Variants in DNAH14 observed in about 807,000 individuals in gnomAD.
DNAH14 encodes dynein axonemal heavy chain 14.
A neutral mutation model predicts 520.9 loss-of-function variants in DNAH14; 478 were observed. The ratio of observed to expected loss-of-function variants is 0.92; its 90% CI spans 0.85 to 0.99. The LOEUF is 0.99. Among genes scored for constraint, DNAH14 ranks in the 50% least tolerant of loss-of-function variants. DNAH14 has a pLI of 0.00. For missense variants in DNAH14, 4,831 were observed against 5,234.5 expected, an observed-to-expected ratio of 0.92 and a Z score of 2.38; for synonymous variants, 1,581 against 1,757.2, an observed-to-expected ratio of 0.90 and a Z score of 2.51.
At chr1:225,130,815 TATA>T (rs202010965) in intron 27 of DNAH14, among the ~76,000 whole-genome samples, 13 of 150,260 alleles carry the variant, frequency 8.7e-5, no homozygotes, top group Admixed American at 2.7e-4. Flanking sequence ...AAACTTAAAG[TATA>T]ATAATAATAA....
At chr1:225,110,137 T>A (rs1241056745) in intron 23 of DNAH14, among the ~76,000 whole-genome samples, 1 of 152,138 alleles carries the variant, frequency 6.6e-6, no homozygotes, top group Non-Finnish European at 1.5e-5. Context: ...TATGGGCCTG[T>A]AGTTTTCTTT....
intron 7 of DNAH14, among the ~76,000 whole-genome samples, chr1:224,971,887 G>A (rs572958691): frequency 4.2e-4 from 64 of 152,296 alleles, no homozygotes; most frequent in African/African-American, 1.5e-3. Context: ...TCAAAGATAG[G>A]TGATAGTTGC....
chr1:225,014,241 G>A (rs1204713562), intron 10 of DNAH14, among the ~76,000 whole-genome samples: 1 of 152,130 alleles, frequency 6.6e-6, no homozygotes, highest in East Asian at 1.9e-4. Flanking sequence ...TCCTGGGTGA[G>A]GCGACGCCCC....
chr1:225,221,169 A>T (rs1558068341), intron 41 of DNAH14, among the ~76,000 whole-genome samples: 1 of 152,070 alleles, frequency 6.6e-6, no homozygotes. Flanking sequence ...ATGGATTAAA[A>T]ACTTAAACGT....
At chr1:225,180,997 G>C (rs974209120) in intron 36 of DNAH14, among the ~76,000 whole-genome samples, 1 of 152,030 alleles carries the variant, frequency 6.6e-6, no homozygotes, top group Non-Finnish European at 1.5e-5. Flanking sequence ...TCCTTCTGGA[G>C]TCCCCAATGT....
chr1:225,386,942 G>A (rs1403729830), intron 81 of DNAH14, among the ~76,000 whole-genome samples: 1 of 152,200 alleles, frequency 6.6e-6, no homozygotes, highest in Non-Finnish European at 1.5e-5. Context: ...GCACACGTAT[G>A]TTTATTGCGG....
Position 225,153,760 on chromosome 1 carries a change from AT to A in DNAH14, c.5211del (p.Phe1737LeufsTer3). On this transcript the variant is annotated frameshift_variant, in exon 34 of 86. Coordinates refer to ENST00000682510, the MANE Select transcript of DNAH14 (RefSeq NM_001367479.1). LOFTEE classifies it high-confidence loss of function. ...RKQLSQQDHY[N>X]FGLRSLKIVL... The stretch of plus-strand genomic sequence containing the variant: ...TTTAATGTTTGATAGGATCATTATA[AT>A]TTTGGCTTGAGATCTCTGAAGATAG... 6.5e-7 allele frequency: 1 copy of A among 1,546,530 alleles called. No homozygotes were observed. The highest frequency in any genetic ancestry group is 8.7e-7 in the Non-Finnish European group (1 of 1,143,630).
At chr1:225,266,797 C>T (rs1341573423) in intron 49 of DNAH14, 28 bp downstream of exon 49, 1 of 1,448,972 alleles carries the variant, frequency 6.9e-7, no homozygotes, top group Non-Finnish European at 9.1e-7. Context: ...ATTTTGTTCA[C>T]ATTAAGTATT....
intron 1 of DNAH14, among the ~76,000 whole-genome samples, chr1:224,933,362 T>TCTA (rs1431182551): frequency 1.3e-5 from 2 of 152,098 alleles, no homozygotes; most frequent in Admixed American, 1.3e-4. Flanking sequence ...TAAAATCATA[T>TCTA]GATCAACAGA....
intron 64 of DNAH14, among the ~76,000 whole-genome samples, chr1:225,327,140 A>G (rs1391559292): frequency 1.3e-5 from 2 of 148,304 alleles, no homozygotes; most frequent in African/African-American, 5.0e-5. Flanking sequence ...CAATAATAAC[A>G]TGAAGGTTGA....
At chr1:225,008,064 T>G (rs2064333515) in intron 10 of DNAH14, among the ~76,000 whole-genome samples, 2 of 151,964 alleles carry the variant, frequency 1.3e-5, no homozygotes, top group African/African-American at 4.8e-5. Flanking sequence ...CCTAATGCTA[T>G]CCCTCCCCTT....
chr1:225,027,326 T>C (rs550164578), intron 11 of DNAH14, among the ~76,000 whole-genome samples: 7 of 152,302 alleles, frequency 4.6e-5, no homozygotes, highest in Non-Finnish European at 5.9e-5. Flanking sequence ...ATCCCTGTCT[T>C]GTTCCAGAGC....
intron 79 of DNAH14, among the ~76,000 whole-genome samples, chr1:225,378,886 A>AG (rs1036651553): frequency 2.3e-4 from 35 of 151,454 alleles, no homozygotes; most frequent in African/African-American, 6.8e-4. Flanking sequence ...TCCCAAAAAA[A>AG]AAAAAAGAAA....
intron 1 of DNAH14, among the ~76,000 whole-genome samples, chr1:224,945,739 G>A (rs71527019): frequency 6.6e-6 from 1 of 152,412 alleles, no homozygotes; most frequent in South Asian, 2.1e-4. Context: ...GTCTGTTGGA[G>A]TTTGCTGGAG....
chr1:225,293,491 TA>T (rs144972752), intron 55 of DNAH14, among the ~76,000 whole-genome samples: 26,520 of 151,996 alleles, frequency 0.17, 2,865 homozygotes, highest in East Asian at 0.33. Flanking sequence ...TATGCAGCCA[TA>T]AAAAAAGACC....
chr1:225,388,387 C>A lies in DNAH14; in HGVS notation c.13086C>A (p.Ala4362=). ...MRVPTLWQKH[A]YRSCKPLSSW... Reference sequence around the variant, plus strand: ...TCTTTAAATCCCAACAGAAACACGCCTACAGATCTTGTAAGCCACTGAGTT... The same window carrying A: ...TCTTTAAATCCCAACAGAAACACGCATACAGATCTTGTAAGCCACTGAGTT... Residue 4362 remains alanine, a synonymous_variant, in exon 82 of 86, where the codon GCC becomes GCA. Transcript: ENST00000682510. 2 of 1,516,712 alleles carry A rather than the reference C, an allele frequency of 1.3e-6. No individual in the cohort carries two copies. The highest frequency in any genetic ancestry group is 2.0e-5 in the Admixed American group (1 of 50,664). The allele number at this position is 1,516,712 out of a possible 1,614,324, so 94.0% of individuals were successfully genotyped here.
intron 54 of DNAH14, among the ~76,000 whole-genome samples, chr1:225,280,634 C>T (rs534768484): frequency 2.6e-5 from 4 of 151,308 alleles, no homozygotes; most frequent in Non-Finnish European, 5.9e-5. Context: ...AGTTCAATCA[C>T]AGCTCAAGAA....
At chr1:225,368,461 G>A (rs2095579642) in intron 77 of DNAH14, among the ~76,000 whole-genome samples, 1 of 152,202 alleles carries the variant, frequency 6.6e-6, no homozygotes. Context: ...TTCATTAAAA[G>A]CAAGAGAGAT....
intron 23 of DNAH14, among the ~76,000 whole-genome samples, chr1:225,116,155 A>T (rs2076856979): frequency 6.6e-6 from 1 of 152,240 alleles, no homozygotes; most frequent in South Asian, 2.1e-4. Flanking sequence ...AAGATGGTAC[A>T]GATAAAACAG....
Sources: gnomAD v4.1 joint callset for allele counts (sites outside exome capture counted in the v4.1 genomes callset) on GRCh38, gnomAD v4.1.1 for gene constraint, MANE v1.5 for transcripts, NCBI Gene and HGNC (gene_info 2026-07-23, HGNC 2026-07-21) for gene names.